Variants in PCDHA9 observed in about 807,000 individuals in gnomAD.
PCDHA9 encodes protocadherin alpha 9, also known as protocadherin alpha-9.
PCDHA9 carries 62 observed loss-of-function variants against 62.0 expected under a neutral mutation model. That is an observed-to-expected ratio of 1.00 (90% CI 0.81 to 1.23). The LOEUF is 1.23. PCDHA9 is among the 50% of genes most tolerant of loss of function. The pLI, the probability that PCDHA9 is intolerant of heterozygous loss-of-function variation, is 0.00. For missense variants in PCDHA9, 1,205 were observed against 1,249.8 expected (o/e 0.96, Z 0.54); for synonymous variants, 557 against 567.6 (o/e 0.98, Z 0.27).
intron 1 of PCDHA9, among the ~76,000 whole-genome samples, chr5:140,950,176 T>G (rs1221821328): frequency 6.6e-6 from 1 of 151,976 alleles, no homozygotes; most frequent in Non-Finnish European, 1.5e-5. Flanking sequence ...TTTAGAGAAT[T>G]AAGAAGGAAA....
intron 1 of PCDHA9, among the ~76,000 whole-genome samples, chr5:140,936,995 A>G (rs2091251299): frequency 6.6e-6 from 1 of 151,864 alleles, no homozygotes; most frequent in Non-Finnish European, 1.5e-5. Flanking sequence ...CATTGACAAT[A>G]TTGAGACAGA....
chr5:140,967,342 C>T (rs149890293), intron 1 of PCDHA9: 40 of 1,607,992 alleles, frequency 2.5e-5, no homozygotes, highest in Non-Finnish European at 3.4e-5. Context: ...CCAGCGAGCA[C>T]TTCGAGCTGG....
chr5:140,954,845 C>G (rs1479368081), intron 1 of PCDHA9, among the ~76,000 whole-genome samples: 2 of 152,140 alleles, frequency 1.3e-5, no homozygotes, highest in African/African-American at 2.4e-5. Flanking sequence ...AAATCTTTGC[C>G]TGTGCCTATG....
intron 1 of PCDHA9, chr5:140,859,530 T>G (rs535138857): frequency 5.6e-4 from 108 of 191,500 alleles, no homozygotes; most frequent in Non-Finnish European, 9.8e-4. Context: ...TAAAAAAAAT[T>G]TATTAATTCT....
intron 1 of PCDHA9, among the ~76,000 whole-genome samples, chr5:140,960,397 G>C (rs1322659184): frequency 6.6e-6 from 1 of 152,102 alleles, no homozygotes; most frequent in African/African-American, 2.4e-5. Flanking sequence ...AGGATGCAAG[G>C]GGGGGTGCCC....
intron 1 of PCDHA9, among the ~76,000 whole-genome samples, chr5:140,879,121 G>C (rs148259888): frequency 6.6e-6 from 1 of 152,330 alleles, no homozygotes; most frequent in Non-Finnish European, 1.5e-5. Context: ...TGAAGGATTA[G>C]AGCAGGGGAG....
chr5:140,863,773 C>T (rs1170536480), intron 1 of PCDHA9: 19 of 234,462 alleles, frequency 8.1e-5, no homozygotes, highest in African/African-American at 3.6e-4. Context: ...CCGAGGCGGG[C>T]GGATCACTCG....
At chr5:140,859,049 C>A (rs1416112480) in intron 1 of PCDHA9, 2 of 150,472 alleles carry the variant, frequency 1.3e-5, no homozygotes, top group African/African-American at 4.9e-5. Flanking sequence ...AAAACGTTTT[C>A]CATTTTTATT....
intron 1 of PCDHA9, among the ~76,000 whole-genome samples, chr5:140,914,601 T>G (rs190275610): frequency 1.8e-4 from 27 of 152,294 alleles, no homozygotes; most frequent in Non-Finnish European, 3.7e-4. Context: ...AGGAACTTCC[T>G]CCTGCCATTT....
rs1581182642 is a variant in PCDHA9 at position 140,849,406 on chromosome 5, T to A, written c.911T>A (p.Val304Glu). ...HMDPLSGAIT[V>E]IGHMDFEESR... is the part of the protein sequence containing the mutation. ...GACCCCTTAAGTGGGGCAATCACAG[T>A]GATAGGACATATGGATTTTGAAGAA... Residue 304 changes from valine (V) to glutamate (E), a missense_variant, in exon 1 of 4, where the codon GTG (valine) becomes GAG (glutamate). Physicochemically the swap from Val to Glu is moderately radical, Grantham distance 121. Transcript: ENST00000532602. 1.3e-5 allele frequency: 20 copies of A among 1,558,610 alleles called. 3 individuals carry two copies. The highest frequency in any genetic ancestry group is 7.2e-5 in the African/African-American group (5 of 69,302).
rs781875497 is a variant in PCDHA9 at position 140,995,949 on chromosome 5, G to A, written c.2542+13386G>A. Among the ~76,000 whole-genome samples, 8 of 152,160 alleles carry A rather than the reference G, an allele frequency of 5.3e-5. No homozygotes were observed. In the East Asian group the frequency reaches 7.7e-4, roughly 15 times the overall value. ...GTAAGTATTAAATGACATAATGCACGCAAAATGCTTAGAACCATGCTTAGT... is the reference window on the plus strand; with the variant it reads ...GTAAGTATTAAATGACATAATGCACACAAAATGCTTAGAACCATGCTTAGT... On this transcript the variant is annotated intron_variant, in intron 3 of 3. Transcript: ENST00000532602.
chr5:141,006,206 A>AT (rs1178693799), intron 3 of PCDHA9, among the ~76,000 whole-genome samples: 16 of 147,954 alleles, frequency 1.1e-4, no homozygotes, highest in East Asian at 5.9e-4. Context: ...GTTATGCCTC[A>AT]TTTTTTTTTA....
intron 1 of PCDHA9, chr5:140,871,029 G>A (rs782042665): frequency 1.9e-6 from 3 of 1,613,228 alleles, no homozygotes; most frequent in Non-Finnish European, 2.5e-6. Flanking sequence ...CAGACTCGCC[G>A]CGCCACCGAC....
chr5:140,963,717 T>C (rs2095787814), intron 1 of PCDHA9, among the ~76,000 whole-genome samples: 1 of 152,256 alleles, frequency 6.6e-6, no homozygotes, highest in Admixed American at 6.5e-5. Context: ...ATGCTACATA[T>C]AGACTGCCAA....
At chr5:140,979,062 G>A in intron 2 of PCDHA9, 55 bp downstream of exon 2, 1 of 1,604,568 alleles carries the variant, frequency 6.2e-7, no homozygotes, top group Non-Finnish European at 8.5e-7. Flanking sequence ...GTATGGCTCA[G>A]ATAAACTGCA....
intron 1 of PCDHA9, among the ~76,000 whole-genome samples, chr5:140,925,578 A>G (rs1378824182): frequency 6.6e-6 from 1 of 151,838 alleles, no homozygotes; most frequent in African/African-American, 2.4e-5. Flanking sequence ...GCACACCAAC[A>G]TGGCGCATGT....
chr5:141,002,141 A>G (rs1554258528), intron 3 of PCDHA9, among the ~76,000 whole-genome samples: 3 of 152,258 alleles, frequency 2.0e-5, no homozygotes, highest in Admixed American at 6.5e-5. Context: ...TGCCGGCTGC[A>G]CTGACTTAGC....
intron 3 of PCDHA9, among the ~76,000 whole-genome samples, chr5:140,998,062 C>T (rs2097795439): frequency 6.6e-6 from 1 of 152,176 alleles, no homozygotes; most frequent in African/African-American, 2.4e-5. Flanking sequence ...TCATCATCAA[C>T]AGACTTAGCC....
intron 1 of PCDHA9, chr5:140,870,012 C>T (rs2051581500): frequency 6.2e-7 from 1 of 1,613,354 alleles, no homozygotes; most frequent in African/African-American, 1.3e-5. Context: ...AAGTGAGGGT[C>T]AATGGAACTT....
Sources: gnomAD v4.1 joint callset for allele counts (sites outside exome capture counted in the v4.1 genomes callset) on GRCh38, gnomAD v4.1.1 for gene constraint, MANE v1.5 for transcripts, NCBI Gene and HGNC (gene_info 2026-07-23, HGNC 2026-07-21) for gene names.